Variants in KCNQ3 observed in about 807,000 individuals in gnomAD.
KCNQ3 encodes the protein potassium voltage-gated channel subfamily Q member 3.
Under a neutral mutation model 92.5 loss-of-function variants are expected in KCNQ3, and 30 were observed. The observed-to-expected ratio is 0.32, with a 90% CI of 0.24 to 0.44. KCNQ3 has a LOEUF of 0.44. Ranked by LOEUF, KCNQ3 falls within the 20% of genes least tolerant of loss-of-function variation. KCNQ3 has a pLI of 1.00. For synonymous variants in KCNQ3, 450 were observed against 468.8 expected, an observed-to-expected ratio of 0.96 and a Z score of 0.52; for missense variants, 913 against 1,140.3, an observed-to-expected ratio of 0.80 and a Z score of 2.87.
At chr8:132,346,189 C>T (rs1430235151) in intron 1 of KCNQ3, among the ~76,000 whole-genome samples, 1 of 152,130 alleles carries the variant, frequency 6.6e-6, no homozygotes, top group Non-Finnish European at 1.5e-5. Context: ...TCACTTTTCC[C>T]TTTCTTCTCT....
chr8:132,418,409 C>T (rs1255633298), intron 1 of KCNQ3, among the ~76,000 whole-genome samples: 5 of 152,084 alleles, frequency 3.3e-5, no homozygotes, highest in Non-Finnish European at 7.3e-5. Context: ...GGTCTCAACC[C>T]GACTCTGCCT....
At chr8:132,460,183 T>C (rs1405543574) in intron 1 of KCNQ3, among the ~76,000 whole-genome samples, 4 of 152,190 alleles carry the variant, frequency 2.6e-5, no homozygotes, top group Non-Finnish European at 5.9e-5. Context: ...TTGTGCAGAA[T>C]GGTTTTAGAA....
chr8:132,186,012 G>A (rs1303427213), intron 2 of KCNQ3, 79 bp downstream of exon 2: 2 of 1,008,894 alleles, frequency 2.0e-6, no homozygotes, highest in African/African-American at 3.2e-5. Flanking sequence ...CAGTCAGGGA[G>A]GAGTGCACCC....
At chr8:132,378,744 A>T (rs1274495209) in intron 1 of KCNQ3, among the ~76,000 whole-genome samples, 2 of 152,180 alleles carry the variant, frequency 1.3e-5, no homozygotes, top group Non-Finnish European at 2.9e-5. Flanking sequence ...CTTATTGCTG[A>T]TGATTGATTT....
In KCNQ3 at chr8:132,123,172, T is replaced by C. The variant is rs1314996254; in HGVS notation, c.*6090A>G. On this transcript the variant is annotated 3_prime_UTR_variant, in exon 15 of 15. Transcript: ENST00000388996. ...GAAGAAACCCTGTTTAATTGGCCTA[T>C]AGATGAGGATGCAACCTAAGGCATG... is the stretch of plus-strand genomic sequence containing the variant. 1 of 152,178 alleles carries C rather than the reference T, an allele frequency of 6.6e-6. No homozygotes were observed. Among genetic ancestry groups the C allele is most frequent in the East Asian group, 1.9e-4 (1 of 5,190 alleles). The allele number at this position is 152,178 out of a possible 1,614,324, so 9.4% of individuals were successfully genotyped here. A position where few individuals can be genotyped will look rare whatever the true frequency, so the allele number is the denominator to read the frequency against.
chr8:132,447,286 C>T, intron 1 of KCNQ3: 1 of 1,531,292 alleles, frequency 6.5e-7, no homozygotes, highest in Non-Finnish European at 8.7e-7. Flanking sequence ...CTAGAAATAA[C>T]CCTAAAGCAG....
intron 1 of KCNQ3, among the ~76,000 whole-genome samples, chr8:132,365,344 A>G (rs1056844523): frequency 2.6e-5 from 4 of 152,256 alleles, no homozygotes; most frequent in Non-Finnish European, 4.4e-5. Context: ...TGGGTGAACT[A>G]ATTTAATTCT....
chr8:132,457,290 C>T (rs1821964087), intron 1 of KCNQ3, among the ~76,000 whole-genome samples: 1 of 152,202 alleles, frequency 6.6e-6, no homozygotes, highest in African/African-American at 2.4e-5. Context: ...TGAGAAATCC[C>T]AAAATGTGTC....
chr8:132,243,747 T>G (rs937763518), intron 1 of KCNQ3, among the ~76,000 whole-genome samples: 3 of 152,366 alleles, frequency 2.0e-5, no homozygotes, highest in Non-Finnish European at 2.9e-5. Context: ...AATGGTTTGA[T>G]GTACACAGTA....
intron 1 of KCNQ3, among the ~76,000 whole-genome samples, chr8:132,273,702 C>A (rs551988048): frequency 6.6e-6 from 1 of 152,286 alleles, no homozygotes; most frequent in Non-Finnish European, 1.5e-5. Context: ...AACTGAATGT[C>A]TTTAACAGCA....
intron 1 of KCNQ3, among the ~76,000 whole-genome samples, chr8:132,453,763 C>T (rs1042275890): frequency 2.6e-5 from 4 of 152,136 alleles, no homozygotes; most frequent in African/African-American, 9.7e-5. Context: ...GATAAATTAT[C>T]CTAAATGGCA....
At chr8:132,437,301 TAA>T (rs1409206329) in intron 1 of KCNQ3, among the ~76,000 whole-genome samples, 1 of 147,910 alleles carries the variant, frequency 6.8e-6, no homozygotes, top group African/African-American at 2.5e-5. Flanking sequence ...AAATAAAAAA[TAA>T]AAAAAATAAA....
At chr8:132,215,719 G>A (rs117318185) in intron 1 of KCNQ3, among the ~76,000 whole-genome samples, 62 of 152,352 alleles carry the variant, frequency 4.1e-4, no homozygotes, top group East Asian at 9.6e-4. Flanking sequence ...GTGCCTGCCA[G>A]GTGAGGGTTG....
intron 1 of KCNQ3, among the ~76,000 whole-genome samples, chr8:132,430,877 C>T (rs950637386): frequency 2.0e-5 from 3 of 152,134 alleles, no homozygotes; most frequent in Non-Finnish European, 4.4e-5. Context: ...CTCCTTGGGA[C>T]GTCAGTAAAA....
intron 1 of KCNQ3, among the ~76,000 whole-genome samples, chr8:132,209,093 T>C (rs1224831476): frequency 6.6e-6 from 1 of 152,108 alleles, no homozygotes; most frequent in Non-Finnish European, 1.5e-5. Flanking sequence ...ACAGACTGTT[T>C]ATTTGCATGG....
chr8:132,279,171 T>C (rs932210614), intron 1 of KCNQ3, among the ~76,000 whole-genome samples: 1 of 152,264 alleles, frequency 6.6e-6, no homozygotes, highest in South Asian at 2.1e-4. Context: ...TGAGCCGAGA[T>C]TGTGCCACTG....
At chr8:132,217,710 C>CAAAAAAAA (rs1170925572) in intron 1 of KCNQ3, among the ~76,000 whole-genome samples, 15 of 66,318 alleles carry the variant, frequency 2.3e-4, no homozygotes, top group South Asian at 5.7e-4. Context: ...GGCTCTGTCT[C>CAAAAAAAA]AAAAAAAAAA....
chr8:132,163,347 G>A, intron 9 of KCNQ3, 121 bp downstream of exon 9: 1 of 841,904 alleles, frequency 1.2e-6, no homozygotes, highest in Non-Finnish European at 2.1e-6. Flanking sequence ...GCAACAGTGT[G>A]ACCCCAAAGA....
chr8:132,372,613 C>T (rs913106074), intron 1 of KCNQ3, among the ~76,000 whole-genome samples: 8 of 151,826 alleles, frequency 5.3e-5, no homozygotes, highest in South Asian at 2.1e-4. Context: ...AAAAGTTAGC[C>T]GGGAGTGGTG....
Sources: allele counts gnomAD v4.1 joint callset (sites outside exome capture counted in the v4.1 genomes callset), GRCh38; gene constraint gnomAD v4.1.1; transcripts MANE v1.5; gene names NCBI Gene and HGNC (gene_info 2026-07-23, HGNC 2026-07-21).